The following CHSY1 variants were observed in gnomAD, a reference collection of about 807,000 sequenced individuals.
CHSY1 encodes chondroitin sulfate synthase 1, also known as N-acetylgalactosaminyl-proteoglycan 3-beta-glucuronosyltransferase 1.
In CHSY1, 13 loss-of-function variants were observed where a neutral mutation model predicts 59.8. That is an observed-to-expected ratio of 0.22 (90% CI 0.14 to 0.35). CHSY1 has a LOEUF of 0.35. Among genes scored for constraint, CHSY1 ranks in the 10% least tolerant of loss-of-function variants. CHSY1 has a pLI of 1.00. For synonymous variants in CHSY1, 459 were observed against 401.2 expected, an observed-to-expected ratio of 1.14 and a Z score of -1.72; for missense variants, 947 against 1,030.6, an observed-to-expected ratio of 0.92 and a Z score of 1.11.
chr15:101,200,048 C>T (rs2038556011), intron 2 of CHSY1, among the ~76,000 whole-genome samples: 2 of 152,172 alleles, frequency 1.3e-5, no homozygotes, highest in Non-Finnish European at 2.9e-5. Flanking sequence ...TGTGAATACT[C>T]ACTATATGCC....
At chr15:101,223,261 C>T (rs146757535) in intron 2 of CHSY1, among the ~76,000 whole-genome samples, 114 of 152,296 alleles carry the variant, frequency 7.5e-4, no homozygotes, top group African/African-American at 2.5e-3. Context: ...TCCCAAAGTG[C>T]TAGGATGACA....
chr15:101,235,112 A>T lies in CHSY1; in HGVS notation c.786T>A (p.Phe262Leu). ...AAGACCAGACACACTGCACCCCTGC[A>T]AACCTCCGGACACACCTTCCCACCT... is the stretch of plus-strand genomic sequence containing the variant. ...DVEVGRCVRRFAGVQCVWSYE... is the reference protein window; with the variant it reads ...DVEVGRCVRRLAGVQCVWSYE... The change falls in exon 2 of 3, where the codon TTT becomes TTA. Residue 262 changes from phenylalanine (F) to leucine (L), a missense_variant. Phe to Leu is a conservative substitution (Grantham distance 22). This residue lies in a region of CHSY1 where 602 missense variants were observed against 676.9 expected (regional missense o/e 0.89). Transcript: ENST00000254190. 1 of 1,614,110 alleles carries T rather than the reference A, an allele frequency of 6.2e-7. No homozygotes were observed.
At position 101,176,638 on chromosome 15, in the gene CHSY1, A is replaced by T. The variant is rs529864405; in HGVS notation, c.*750T>A. On this transcript the variant is annotated 3_prime_UTR_variant, in exon 3 of 3. Coordinates refer to ENST00000254190, the MANE Select transcript of CHSY1 (RefSeq NM_014918.5). Reference sequence around the variant, plus strand: ...GTGAAACCCCGTCTCTACTAAAAATACAAAAAAACTAGCTGGGCGTGGTGG... The same window carrying T: ...GTGAAACCCCGTCTCTACTAAAAATTCAAAAAAACTAGCTGGGCGTGGTGG... 38 of 365,084 alleles carry T rather than the reference A, an allele frequency of 1.0e-4. No homozygotes were observed. The South Asian group carries it at 5.4e-3, about 52-fold the overall frequency. The allele number at this position is 365,084 out of a possible 1,614,324, so 22.6% of individuals were successfully genotyped here. A position where few individuals can be genotyped will look rare whatever the true frequency, so the allele number is the denominator to read the frequency against.
chr15:101,197,603 A>G (rs1294326035), intron 2 of CHSY1, among the ~76,000 whole-genome samples: 2 of 152,212 alleles, frequency 1.3e-5, no homozygotes, highest in East Asian at 3.8e-4. Context: ...GCATTTATAT[A>G]ATGTTAAATT....
intron 1 of CHSY1, among the ~76,000 whole-genome samples, chr15:101,237,222 T>TGAAAAAAAAAA (rs1491396831): frequency 2.8e-4 from 16 of 57,358 alleles, no homozygotes; most frequent in African/African-American, 9.3e-4. Context: ...AGACTCCATC[T>TGAAAAAAAAAA]AAAAAAAAAA....
intron 1 of CHSY1, among the ~76,000 whole-genome samples, chr15:101,243,900 G>A (rs1054186103): frequency 3.3e-5 from 5 of 152,174 alleles, no homozygotes; most frequent in Admixed American, 3.3e-4. Context: ...AACACGCCGA[G>A]CAAAGTGTAA....
chr15:101,225,710 C>G (rs1417022017), intron 2 of CHSY1, among the ~76,000 whole-genome samples: 1 of 152,204 alleles, frequency 6.6e-6, no homozygotes, highest in Non-Finnish European at 1.5e-5. Context: ...CAAGCACATG[C>G]CTGTGCTTAC....
chr15:101,223,283 G>A lies in CHSY1; in HGVS notation c.816+11799C>T, dbSNP rs534905711. 7.9e-5 allele frequency among the ~76,000 whole-genome samples: 12 copies of A among 152,314 alleles called. No individual in the cohort carries two copies. In the East Asian group the frequency reaches 2.3e-3, roughly 29 times the overall value. The stretch of plus-strand genomic sequence containing the variant: ...GTGCTAGGATGACATGAGCCACCAT[G>A]CCCGGCCAACTACTTTGTTTAAACT... On this transcript the variant is annotated intron_variant, in intron 2 of 2. Coordinates refer to ENST00000254190, the MANE Select transcript of CHSY1 (RefSeq NM_014918.5).
chr15:101,248,241 C>A (rs1349519843), intron 1 of CHSY1, among the ~76,000 whole-genome samples: 1 of 152,198 alleles, frequency 6.6e-6, no homozygotes. Context: ...TTGGTCTGGG[C>A]TGCAAAGCAC....
At chr15:101,199,375 C>T (rs1173244752) in intron 2 of CHSY1, among the ~76,000 whole-genome samples, 2 of 152,158 alleles carry the variant, frequency 1.3e-5, no homozygotes, top group Admixed American at 6.5e-5. Context: ...TGGTAGCACG[C>T]GCCTGTAGTT....
At chr15:101,216,208 T>C (rs543349946) in intron 2 of CHSY1, among the ~76,000 whole-genome samples, 33 of 140,666 alleles carry the variant, frequency 2.3e-4, no homozygotes, top group African/African-American at 8.7e-4. Flanking sequence ...GCTATATAAC[T>C]ATTAGAATGG....
rs1261685308 is a variant in CHSY1, at chr15:101,251,173, T to C, written c.284A>G (p.Gln95Arg). Residue 95 changes from glutamine to arginine, a missense_variant, in exon 1 of 3, where the codon CAG becomes CGG. By Grantham distance (43) the Gln-to-Arg change is conservative (BLOSUM62 1). Around this residue, in one of 4 missense-constraint regions of CHSY1, gnomAD observed 232 missense variants for 188.5 expected, o/e 1.23. Coordinates refer to ENST00000254190, the MANE Select transcript of CHSY1 (RefSeq NM_014918.5). ...NFLFVGVMTAQKYLQTRAVAA... is the reference protein window; with the variant it reads ...NFLFVGVMTARKYLQTRAVAA... Reference sequence around the variant, plus strand: ...CACGGCCCGAGTCTGCAGGTATTTCTGGGCGGTCATGACTCCCACGAAGAG... The same window carrying C: ...CACGGCCCGAGTCTGCAGGTATTTCCGGGCGGTCATGACTCCCACGAAGAG... 1 of 1,598,606 alleles carries C rather than the reference T, an allele frequency of 6.3e-7. No homozygotes were observed. Among genetic ancestry groups the C allele is most frequent in the Admixed American group, 1.7e-5 (1 of 59,272 alleles).
chr15:101,239,171 G>C (rs1389451175), intron 1 of CHSY1, among the ~76,000 whole-genome samples: 1 of 152,164 alleles, frequency 6.6e-6, no homozygotes, highest in African/African-American at 2.4e-5. Context: ...TCAGTGCTTG[G>C]CACATAATAG....
At chr15:101,191,304 A>C (rs34748909) in intron 2 of CHSY1, among the ~76,000 whole-genome samples, 16,004 of 152,294 alleles carry the variant, frequency 0.11, 908 homozygotes, top group East Asian at 0.21. Context: ...TAAGTAAAAG[A>C]AGCCAAACTG....
At chr15:101,247,460 T>C in intron 1 of CHSY1, among the ~76,000 whole-genome samples, 1 of 152,186 alleles carries the variant, frequency 6.6e-6, no homozygotes, top group Non-Finnish European at 1.5e-5. Context: ...CTCTTTTTAG[T>C]GTCGTCCCTC....
At chr15:101,229,683 G>C (rs1040874020) in intron 2 of CHSY1, among the ~76,000 whole-genome samples, 4 of 152,130 alleles carry the variant, frequency 2.6e-5, no homozygotes, top group Non-Finnish European at 5.9e-5. Flanking sequence ...GAAGCAGGCA[G>C]ATCACTTGAG....
At chr15:101,230,827 T>C (rs1438574570) in intron 2 of CHSY1, among the ~76,000 whole-genome samples, 1 of 152,226 alleles carries the variant, frequency 6.6e-6, no homozygotes, top group Non-Finnish European at 1.5e-5. Context: ...TTCATGAACA[T>C]ATGGTCTTTG....
intron 1 of CHSY1, among the ~76,000 whole-genome samples, chr15:101,241,377 T>C (rs1206806572): frequency 4.6e-5 from 7 of 152,212 alleles, no homozygotes; most frequent in Middle Eastern, 3.2e-3. Context: ...GCGGAAGCCA[T>C]TGCGCCCGGC....
At chr15:101,216,923 G>C (rs755975202) in intron 2 of CHSY1, among the ~76,000 whole-genome samples, 1 of 152,214 alleles carries the variant, frequency 6.6e-6, no homozygotes, top group Non-Finnish European at 1.5e-5. Context: ...GGGGGTCCCA[G>C]GATGGAATGC....
Sources: gnomAD v4.1 joint callset for allele counts (sites outside exome capture counted in the v4.1 genomes callset) on GRCh38, gnomAD v4.1.1 for gene constraint, gnomAD v4.1.1 regional missense constraint, MANE v1.5 for transcripts, NCBI Gene and HGNC (gene_info 2026-07-23, HGNC 2026-07-21) for gene names.